The following RABGAP1L variants were observed in gnomAD, a reference collection of about 807,000 sequenced individuals.
The protein encoded by RABGAP1L is rab GTPase-activating protein 1-like.
A neutral mutation model predicts 137.7 loss-of-function variants in RABGAP1L; 63 were observed. That is an observed-to-expected ratio of 0.46 (90% CI 0.37 to 0.56). The LOEUF (loss-of-function observed/expected upper bound fraction) is 0.56, where lower values mean the gene tolerates loss of function less well. RABGAP1L is among the 20% of genes least tolerant of loss of function. The probability of loss-of-function intolerance (pLI) is 0.00; values close to 1 mark genes in which losing one functional copy is unlikely to be tolerated. For synonymous variants in RABGAP1L, 431 were observed against 433.7 expected, an observed-to-expected ratio of 0.99 and a Z score of 0.08; for missense variants, 1,095 against 1,244.0, an observed-to-expected ratio of 0.88 and a Z score of 1.80.
At chr1:174,192,248 A>G (rs1233817304) in intron 1 of RABGAP1L, among the ~76,000 whole-genome samples, 1 of 151,234 alleles carries the variant, frequency 6.6e-6, no homozygotes, top group Non-Finnish European at 1.5e-5. Context: ...TTATTTCTCT[A>G]ACTGCGTAAC....
chr1:174,552,297 T>C (rs1239143172), intron 13 of RABGAP1L, among the ~76,000 whole-genome samples: 1 of 152,104 alleles, frequency 6.6e-6, no homozygotes, highest in African/African-American at 2.4e-5. Context: ...TTAGTTGTCT[T>C]TCTTGATTAT....
intron 7 of RABGAP1L, among the ~76,000 whole-genome samples, chr1:174,267,215 C>T (rs1674147726): frequency 6.6e-6 from 1 of 152,100 alleles, no homozygotes; most frequent in East Asian, 1.9e-4. Context: ...ATTTCTTTAT[C>T]TCAATTTTGG....
intron 18 of RABGAP1L, among the ~76,000 whole-genome samples, chr1:174,758,314 G>A (rs541574074): frequency 4.6e-5 from 7 of 151,264 alleles, no homozygotes; most frequent in Admixed American, 4.0e-4. Context: ...CCATTAGCTT[G>A]GAGTTCTACA....
At chr1:174,231,512 G>T (rs1670649420) in intron 4 of RABGAP1L, among the ~76,000 whole-genome samples, 157 bp downstream of exon 4, 1 of 152,190 alleles carries the variant, frequency 6.6e-6, no homozygotes, top group African/African-American at 2.4e-5. Flanking sequence ...TTGTTTGAAA[G>T]GGGCATTTGA....
rs1484497836 is a variant in RABGAP1L at position 174,726,219 on chromosome 1, C to T, written c.2169+23963C>T. ...ATTTTTATTCTTCCAGAAATCTTTGCGGGGTTGGAGTTTTCATATTGTGAC... is the reference window on the plus strand; with the variant it reads ...ATTTTTATTCTTCCAGAAATCTTTGTGGGGTTGGAGTTTTCATATTGTGAC... On this transcript the variant is annotated intron_variant, in intron 17 of 25. Coordinates refer to ENST00000681986, the MANE Select transcript of RABGAP1L (RefSeq NM_001366446.1). 3.3e-5 allele frequency among the ~76,000 whole-genome samples: 5 copies of T among 151,902 alleles called. No individual in the cohort carries two copies. The South Asian group carries it at 6.2e-4, about 19-fold the overall frequency.
chr1:174,949,521 G>T lies in RABGAP1L; in HGVS notation c.2341-7936G>T, dbSNP rs143747439. Among the ~76,000 whole-genome samples, 16 of 152,294 alleles carry T rather than the reference G, an allele frequency of 1.1e-4. No homozygotes were observed. In the East Asian group the frequency reaches 2.9e-3, roughly 28 times the overall value. ...TTGTGGGTTTCTGGCTTGAGCTTCT[G>T]GATGGAAGATGAACAGTGGGAGAAG... On this transcript the variant is annotated intron_variant, in intron 19 of 25. Transcript: ENST00000681986.
intron 1 of RABGAP1L, among the ~76,000 whole-genome samples, chr1:174,191,933 A>G (rs1279872977): frequency 6.6e-6 from 1 of 152,210 alleles, no homozygotes; most frequent in Non-Finnish European, 1.5e-5. Flanking sequence ...CAGACTAAAA[A>G]TTGGAATTAG....
intron 16 of RABGAP1L, 145 bp downstream of exon 16, chr1:174,699,795 C>A (rs1679513217): frequency 4.2e-6 from 3 of 718,168 alleles, no homozygotes; most frequent in African/African-American, 1.8e-5. Flanking sequence ...AGACCAATAT[C>A]TACATTGGTC....
At chr1:174,229,187 G>T (rs556138529) in intron 3 of RABGAP1L, among the ~76,000 whole-genome samples, 1 of 152,168 alleles carries the variant, frequency 6.6e-6, no homozygotes, top group Non-Finnish European at 1.5e-5. Context: ...GAAATAAGGA[G>T]CTTGACACTT....
chr1:174,320,768 G>T (rs1033753218), intron 11 of RABGAP1L, among the ~76,000 whole-genome samples: 1 of 151,974 alleles, frequency 6.6e-6, no homozygotes, highest in Non-Finnish European at 1.5e-5. Context: ...CATCATCTTC[G>T]TAAGCTGAGG....
At chr1:174,309,310 A>G (rs937019446) in intron 11 of RABGAP1L, among the ~76,000 whole-genome samples, 4 of 152,080 alleles carry the variant, frequency 2.6e-5, no homozygotes, top group African/African-American at 9.7e-5. Context: ...GCAAACCAGG[A>G]CAATTTGATT....
intron 4 of RABGAP1L, chr1:174,238,939 C>G (rs1266618222): frequency 6.2e-6 from 1 of 161,716 alleles, no homozygotes; most frequent in African/African-American, 2.4e-5. Context: ...GCGTAGGACC[C>G]TCCAAGCCAG....
chr1:174,841,494 A>G (rs1486851391), intron 19 of RABGAP1L, among the ~76,000 whole-genome samples: 2 of 152,106 alleles, frequency 1.3e-5, no homozygotes, highest in East Asian at 1.9e-4. Context: ...TGAAGAAAGA[A>G]AATAACTCCA....
intron 19 of RABGAP1L, chr1:174,892,730 T>C: frequency 2.2e-6 from 1 of 452,520 alleles, no homozygotes; most frequent in Non-Finnish European, 4.3e-6. Flanking sequence ...TTTGTTTTCT[T>C]TCTTTTTTTT....
At chr1:174,625,265 G>C (rs924752630) in intron 13 of RABGAP1L, among the ~76,000 whole-genome samples, 4 of 152,196 alleles carry the variant, frequency 2.6e-5, no homozygotes, top group African/African-American at 9.7e-5. Context: ...AGGCTCCGTA[G>C]AGTCAGAGAC....
At chr1:174,541,918 T>A (rs1398072750) in intron 13 of RABGAP1L, among the ~76,000 whole-genome samples, 2 of 152,244 alleles carry the variant, frequency 1.3e-5, no homozygotes, top group Non-Finnish European at 2.9e-5. Context: ...TATGTTGAAC[T>A]AGCCTTGCAT....
chr1:174,825,947 G>T (rs2148898815), intron 19 of RABGAP1L, among the ~76,000 whole-genome samples: 1 of 152,246 alleles, frequency 6.6e-6, no homozygotes, highest in South Asian at 2.1e-4. Context: ...TTTGTCACAT[G>T]AATATATTGC....
At chr1:174,646,792 T>C (rs1675003442) in intron 14 of RABGAP1L, among the ~76,000 whole-genome samples, 1 of 152,188 alleles carries the variant, frequency 6.6e-6, no homozygotes, top group African/African-American at 2.4e-5. Flanking sequence ...ATCTAAAGAT[T>C]GCTTTGGGCA....
At chr1:174,670,724 T>A (rs1294866492) in intron 14 of RABGAP1L, among the ~76,000 whole-genome samples, 1 of 152,136 alleles carries the variant, frequency 6.6e-6, no homozygotes, top group Non-Finnish European at 1.5e-5. Context: ...TTGCAATTGA[T>A]AGGATATTTT....
Sources: allele counts gnomAD v4.1 joint callset (sites outside exome capture counted in the v4.1 genomes callset), GRCh38; gene constraint gnomAD v4.1.1; transcripts MANE v1.5; gene names NCBI Gene and HGNC (gene_info 2026-07-23, HGNC 2026-07-21).